CDC42BPA: variants seen among roughly 807,000 people sequenced by gnomAD.
CDC42BPA encodes the protein serine/threonine-protein kinase MRCK alpha.
In CDC42BPA, 80 loss-of-function variants were observed where a neutral mutation model predicts 223.5. That is an observed-to-expected ratio of 0.36 (90% CI 0.30 to 0.43). The LOEUF (loss-of-function observed/expected upper bound fraction) is 0.43. Among genes scored for constraint, CDC42BPA ranks in the 20% least tolerant of loss-of-function variants. CDC42BPA has a pLI of 1.00. For missense variants in CDC42BPA, 1,743 were observed against 2,099.9 expected (o/e 0.83, Z 3.32); for synonymous variants, 694 against 718.6 (o/e 0.97, Z 0.55).
At position 227,317,275 on chromosome 1, in the gene CDC42BPA, A is replaced by G; in HGVS notation, c.-93T>C. On this transcript the variant is annotated 5_prime_UTR_variant, in exon 1 of 37. Coordinates refer to ENST00000366766, the MANE Select transcript of CDC42BPA (RefSeq NM_001394014.1). ...AATTTTAAAAGGTATGGTTTTAAAAATAAACCACTTGTTATTCAAACAACT... is the reference window on the plus strand; with the variant it reads ...AATTTTAAAAGGTATGGTTTTAAAAGTAAACCACTTGTTATTCAAACAACT... 1 of 1,335,336 alleles carries G rather than the reference A, an allele frequency of 7.5e-7. No homozygotes were observed. Among genetic ancestry groups the G allele is most frequent in the South Asian group, 1.4e-5 (1 of 69,418 alleles). The allele number at this position is 1,335,336 out of a possible 1,614,324, so 82.7% of individuals were successfully genotyped here.
intron 35 of CDC42BPA, among the ~76,000 whole-genome samples, chr1:227,003,635 T>C (rs1182018423): frequency 2.0e-5 from 3 of 152,320 alleles, no homozygotes; most frequent in Admixed American, 1.3e-4. Flanking sequence ...AGCATCTTTG[T>C]ATAATTTTAT....
At chr1:227,009,988 T>C (rs370224040) in intron 34 of CDC42BPA, among the ~76,000 whole-genome samples, 2 of 152,210 alleles carry the variant, frequency 1.3e-5, no homozygotes, top group South Asian at 2.1e-4. Flanking sequence ...ACTATTGTTG[T>C]AAGTTAGGGG....
intron 2 of CDC42BPA, among the ~76,000 whole-genome samples, chr1:227,216,425 C>T (rs958239983): frequency 6.6e-6 from 1 of 152,140 alleles, no homozygotes; most frequent in African/African-American, 2.4e-5. Flanking sequence ...CATTTTCAAA[C>T]CTATCTTATA....
chr1:227,269,021 T>C (rs1277590010), intron 1 of CDC42BPA, among the ~76,000 whole-genome samples: 1 of 152,146 alleles, frequency 6.6e-6, no homozygotes, highest in Non-Finnish European at 1.5e-5. Flanking sequence ...AGTCTGGTAT[T>C]AGAAAAGAGA....
intron 1 of CDC42BPA, among the ~76,000 whole-genome samples, chr1:227,312,408 T>C (rs1693685631): frequency 6.6e-6 from 1 of 152,228 alleles, no homozygotes; most frequent in South Asian, 2.1e-4. Context: ...TTATGGGACA[T>C]TTCATAAAAT....
chr1:227,276,252 C>T (rs1388936208), intron 1 of CDC42BPA, among the ~76,000 whole-genome samples: 13 of 151,284 alleles, frequency 8.6e-5, no homozygotes, highest in Non-Finnish European at 1.3e-4. Flanking sequence ...TGCCCGGCCG[C>T]GACCCCGTCT....
intron 17 of CDC42BPA, among the ~76,000 whole-genome samples, chr1:227,077,769 A>G (rs1553326859): frequency 2.0e-5 from 3 of 152,136 alleles, no homozygotes; most frequent in Non-Finnish European, 4.4e-5. Flanking sequence ...AAGGGTGGTT[A>G]CCCCTCTTAA....
intron 2 of CDC42BPA, among the ~76,000 whole-genome samples, chr1:227,227,834 T>TAAA (rs35103092): frequency 2.0e-5 from 3 of 151,368 alleles, no homozygotes; most frequent in African/African-American, 7.3e-5. Context: ...AGGTCCATAT[T>TAAA]AAAAAAAAAT....
intron 35 of CDC42BPA, chr1:227,004,333 C>T (rs531420742): frequency 1.4e-4 from 22 of 152,626 alleles, no homozygotes; most frequent in African/African-American, 5.3e-4. Flanking sequence ...CCATTGGGAC[C>T]ACTCTAGGAG....
chr1:227,114,253 G>A (rs1245342321), intron 12 of CDC42BPA, among the ~76,000 whole-genome samples: 1 of 151,846 alleles, frequency 6.6e-6, no homozygotes, highest in Non-Finnish European at 1.5e-5. Flanking sequence ...GCGGGGAGGA[G>A]GAAAATTAGA....
chr1:227,253,274 G>A (rs944774661), intron 2 of CDC42BPA, among the ~76,000 whole-genome samples: 3 of 152,172 alleles, frequency 2.0e-5, no homozygotes, highest in African/African-American at 7.2e-5. Context: ...GAGAGCGCGC[G>A]CGCGTGCGCG....
At position 227,060,020 on chromosome 1, in the gene CDC42BPA, G is replaced by GTTT. The variant is rs143944932; in HGVS notation, c.2905-8038_2905-8036dup. ...AAAAAAGGAACAATTATCTCAAAAAGTTTTTTTTTGTTTTTTTTTTTTTTT... is the reference window on the plus strand; with the variant it reads ...AAAAAAGGAACAATTATCTCAAAAAGTTTTTTTTTTTTGTTTTTTTTTTTTTTT... On this transcript the variant is annotated intron_variant, in intron 21 of 36. Transcript: ENST00000366766. 3.4e-3 allele frequency among the ~76,000 whole-genome samples: 317 copies of GTTT among 94,068 alleles called. 5 individuals carry two copies. The highest frequency in any genetic ancestry group is 0.013 in the African/African-American group (265 of 20,266). 61.7% of individuals were successfully genotyped at this position (94,068 alleles called of 152,430 possible). A position where few individuals can be genotyped will look rare whatever the true frequency, so the allele number is the denominator to read the frequency against.
chr1:227,101,289 A>T (rs768214007), intron 14 of CDC42BPA, 50 bp from the exon 15 acceptor site: 49 of 1,144,366 alleles, frequency 4.3e-5, no homozygotes, highest in Non-Finnish European at 5.0e-5. Context: ...ATAATAAAAT[A>T]TTTAAATAAC....
chr1:227,060,020 G>GTTA (rs1558401367), intron 21 of CDC42BPA, among the ~76,000 whole-genome samples: 2 of 94,186 alleles, frequency 2.1e-5, no homozygotes, highest in African/African-American at 4.9e-5. Flanking sequence ...ATCTCAAAAA[G>GTTA]TTTTTTTTTG....
intron 5 of CDC42BPA, among the ~76,000 whole-genome samples, chr1:227,173,171 T>C (rs1293134055): frequency 6.6e-6 from 1 of 152,216 alleles, no homozygotes; most frequent in Admixed American, 6.5e-5. Flanking sequence ...TTCGTTCAAT[T>C]ACCCTGCATT....
At chr1:227,285,123 AAACT>A (rs756476068) in intron 1 of CDC42BPA, among the ~76,000 whole-genome samples, 15 of 152,042 alleles carry the variant, frequency 9.9e-5, no homozygotes, top group Non-Finnish European at 2.2e-4. Flanking sequence ...GTAGCAATAC[AAACT>A]ATCTACACAG....
chr1:227,031,189 G>C (rs761272366), intron 28 of CDC42BPA, 109 bp downstream of exon 28: 106 of 770,930 alleles, frequency 1.4e-4, no homozygotes, highest in Non-Finnish European at 2.2e-4. Flanking sequence ...TTTATGATAT[G>C]ATGCACAGTA....
intron 10 of CDC42BPA, among the ~76,000 whole-genome samples, chr1:227,137,155 AATT>A (rs1658736048): frequency 6.6e-6 from 1 of 152,150 alleles, no homozygotes; most frequent in South Asian, 2.1e-4. Flanking sequence ...GTAACATACA[AATT>A]ATTAAGAAAA....
At chr1:227,081,642 TG>T (rs1232606050) in intron 16 of CDC42BPA, among the ~76,000 whole-genome samples, 1 of 151,876 alleles carries the variant, frequency 6.6e-6, no homozygotes, top group East Asian at 1.9e-4. Flanking sequence ...TTAGTAGAGA[TG>T]GGGTTTCACC....
Sources: allele counts gnomAD v4.1 joint callset (sites outside exome capture counted in the v4.1 genomes callset), GRCh38; gene constraint gnomAD v4.1.1; transcripts MANE v1.5; gene names NCBI Gene and HGNC (gene_info 2026-07-23, HGNC 2026-07-21).